Variants in SMC2 observed in about 807,000 individuals in gnomAD.
SMC2 encodes the protein structural maintenance of chromosomes protein 2.
Under a neutral mutation model 142.6 loss-of-function variants are expected in SMC2, and 41 were observed. The ratio of observed to expected loss-of-function variants is 0.29; its 90% CI spans 0.22 to 0.37. The LOEUF is 0.37. SMC2 is among the 10% of genes least tolerant of loss of function. The probability of loss-of-function intolerance (pLI) is 1.00; values close to 1 mark genes in which losing one functional copy is unlikely to be tolerated. For missense variants in SMC2, 1,265 were observed against 1,373.7 expected (o/e 0.92, Z 1.25); for synonymous variants, 463 against 457.5 (o/e 1.01, Z -0.15).
chr9:104,125,090 G>A lies in SMC2; in HGVS notation c.2436G>A (p.Met812Ile). The A allele has an allele frequency of 2.5e-6, 4 of 1,572,004 alleles. No individual in the cohort carries two copies. Among genetic ancestry groups the A allele is most frequent in the Non-Finnish European group, 3.4e-6 (4 of 1,168,568 alleles). ...KTKADASSKK[M>I]KEKQQEVEAI... The stretch of plus-strand genomic sequence containing the variant: ...AGGCAGATGCATCTAGCAAGAAGAT[G>A]AAAGAAAAACAACAGGTAATAACTT... Residue 812 changes from methionine (M) to isoleucine (I), a missense_variant, in exon 18 of 25, where the codon ATG becomes ATA. Physicochemically the swap from Met to Ile is conservative, Grantham distance 10 (BLOSUM62 1). Coordinates refer to ENST00000374793, the MANE Select transcript of SMC2 (RefSeq NM_006444.3).
intron 10 of SMC2, among the ~76,000 whole-genome samples, chr9:104,112,728 G>C (rs1465098829): frequency 6.6e-6 from 1 of 152,084 alleles, no homozygotes; most frequent in Non-Finnish European, 1.5e-5. Context: ...CTAGGTTTTA[G>C]AATACTAGTT....
At chr9:104,107,472 A>C (rs947112559) in intron 9 of SMC2, among the ~76,000 whole-genome samples, 1 of 152,186 alleles carries the variant, frequency 6.6e-6, no homozygotes, top group African/African-American at 2.4e-5. Flanking sequence ...TAAAAGCAGC[A>C]CCAAGGCCAC....
Position 104,138,021 on chromosome 9 carries a change from T to G in SMC2, c.3273T>G (p.Ser1091=), listed in dbSNP as rs1331641475. 8 of 1,571,448 alleles carry G rather than the reference T, an allele frequency of 5.1e-6. No homozygotes were observed. In the African/African-American group the frequency reaches 8.1e-5, roughly 16 times the overall value. ...TTTTCTTCTGACCTTTTCTTAGGTCTTTAGTGGCCTTGTCATTAATACTGT... is the reference window on the plus strand; with the variant it reads ...TTTTCTTCTGACCTTTTCTTAGGTCGTTAGTGGCCTTGTCATTAATACTGT... The part of the protein sequence containing the change: ...NLTELSGGQR[S]LVALSLILSM... Residue 1091 remains serine (S), a synonymous_variant, in exon 24 of 25, where the codon TCT becomes TCG. Coordinates refer to ENST00000374793, the MANE Select transcript of SMC2 (RefSeq NM_006444.3).
intron 9 of SMC2, among the ~76,000 whole-genome samples, chr9:104,105,913 T>TGG (rs1831712664): frequency 6.6e-6 from 1 of 152,148 alleles, no homozygotes; most frequent in African/African-American, 2.4e-5. Context: ...CACATCCTTG[T>TGG]GGAAAAAGTG....
At position 104,126,549 on chromosome 9, in the gene SMC2, A is replaced by G. The variant is rs534760117; in HGVS notation, c.2452-92A>G. 6.4e-4 allele frequency: 590 copies of G among 925,850 alleles called. 1 individual carries two copies. The highest frequency in any genetic ancestry group is 8.1e-4 in the Non-Finnish European group (536 of 659,404). 57.4% of individuals were successfully genotyped at this position (925,850 alleles called of 1,614,324 possible). On this transcript the variant is annotated intron_variant, in intron 18 of 24. Transcript: ENST00000374793. ...TAACAAAGCTGTGGGTCTTACTTGC[A>G]TGAGATTATTATTTATTTAATTGTT...
intron 23 of SMC2, among the ~76,000 whole-genome samples, chr9:104,137,143 C>G (rs1393269997): frequency 6.6e-6 from 1 of 151,470 alleles, no homozygotes; most frequent in Non-Finnish European, 1.5e-5. Context: ...GCAAGACTCT[C>G]AAAAACCAAA....
upstream of SMC2, among the ~76,000 whole-genome samples, chr9:104,091,812 A>G (rs1249603017): frequency 6.6e-6 from 1 of 151,870 alleles, no homozygotes; most frequent in Non-Finnish European, 1.5e-5. Context: ...GTAGAGCACC[A>G]AATATTTCTC....
intron 9 of SMC2, among the ~76,000 whole-genome samples, chr9:104,108,799 C>T (rs1036607097): frequency 6.6e-6 from 1 of 152,132 alleles, no homozygotes; most frequent in Non-Finnish European, 1.5e-5. Flanking sequence ...GCCATTCCCA[C>T]AAGTGTTGGA....
chr9:104,135,470 G>C (rs907375438), intron 23 of SMC2, among the ~76,000 whole-genome samples: 2 of 152,182 alleles, frequency 1.3e-5, no homozygotes, highest in African/African-American at 4.8e-5. Context: ...TCTAAGGGAA[G>C]CTGTCTAATG....
chr9:104,139,385 A>AATT lies in SMC2; in HGVS notation c.*70_*71insATT, dbSNP rs769160043. On this transcript the variant is annotated 3_prime_UTR_variant, in exon 25 of 25. Transcript: ENST00000374793. ...AACTTTTAAGGACTTGAGATAACTA[A>AATT]TTTGTTTATATACAAAAATTAATGT... 11 of 1,233,264 alleles carry AATT rather than the reference A, an allele frequency of 8.9e-6. No individual in the cohort carries two copies. The highest frequency in any genetic ancestry group is 1.2e-5 in the Non-Finnish European group (11 of 888,064). 76.4% of individuals were successfully genotyped at this position (1,233,264 alleles called of 1,614,324 possible).
intron 11 of SMC2, 79 bp from the exon 12 acceptor site, chr9:104,113,885 G>T: frequency 1.3e-6 from 1 of 799,798 alleles, no homozygotes; most frequent in Non-Finnish European, 1.9e-6. Context: ...TTTGGAAATA[G>T]TGGTTGCTAA....
intron 4 of SMC2, 130 bp downstream of exon 4, chr9:104,098,698 C>T: frequency 1.2e-6 from 1 of 866,270 alleles, no homozygotes; most frequent in Non-Finnish European, 1.7e-6. Flanking sequence ...TGTGTCCGGC[C>T]ATCTGTTTAG....
At chr9:104,129,410 CAGAATCA>C (rs1834685691) in intron 20 of SMC2, among the ~76,000 whole-genome samples, 1 of 150,676 alleles carries the variant, frequency 6.6e-6, no homozygotes, top group Non-Finnish European at 1.5e-5. Context: ...GCTGAGGCAG[CAGAATCA>C]CTTGAACCTG....
chr9:104,117,591 T>C (rs1833267539), intron 14 of SMC2, among the ~76,000 whole-genome samples: 1 of 152,212 alleles, frequency 6.6e-6, no homozygotes, highest in Non-Finnish European at 1.5e-5. Context: ...TGAGAAAATA[T>C]TTGTTGTGAA....
At chr9:104,105,308 A>C (rs1012393713) in intron 9 of SMC2, among the ~76,000 whole-genome samples, 3 of 152,130 alleles carry the variant, frequency 2.0e-5, no homozygotes, top group Non-Finnish European at 2.9e-5. Flanking sequence ...CAGCATGCCC[A>C]ACGTACAGGA....
intron 15 of SMC2, among the ~76,000 whole-genome samples, chr9:104,118,680 A>G (rs1833396615): frequency 2.0e-5 from 3 of 150,656 alleles, no homozygotes; most frequent in Admixed American, 2.0e-4. Context: ...ACTGAATAAT[A>G]TTTACTGTAT....
At chr9:104,125,638 A>T (rs1349409869) in intron 18 of SMC2, among the ~76,000 whole-genome samples, 2 of 152,102 alleles carry the variant, frequency 1.3e-5, no homozygotes, top group Non-Finnish European at 2.9e-5. Flanking sequence ...GTCATATCAG[A>T]GATTCAGCAA....
At chr9:104,118,463 C>A in intron 15 of SMC2, 88 bp downstream of exon 15, 1 of 1,038,946 alleles carries the variant, frequency 9.6e-7, no homozygotes, top group Non-Finnish European at 1.4e-6. Context: ...CAACTACCCA[C>A]TTCTTCAGGA....
chr9:104,125,123 A>C lies in SMC2; in HGVS notation c.2451+18A>C. 6.5e-7 allele frequency: 1 copy of C among 1,538,618 alleles called. No individual in the cohort carries two copies. Among genetic ancestry groups the C allele is most frequent in the Non-Finnish European group, 8.8e-7 (1 of 1,142,222 alleles). Reference sequence around the variant, plus strand: ...AACAACAGGTAATAACTTCTTTTTGAAATTGAACCAACCTTTTAAAGTCAA... The same window carrying C: ...AACAACAGGTAATAACTTCTTTTTGCAATTGAACCAACCTTTTAAAGTCAA... On this transcript the variant is annotated intron_variant, in intron 18 of 24. Transcript: ENST00000374793.
Sources: gnomAD v4.1 joint callset for allele counts (sites outside exome capture counted in the v4.1 genomes callset) on GRCh38, gnomAD v4.1.1 for gene constraint, MANE v1.5 for transcripts, NCBI Gene and HGNC (gene_info 2026-07-23, HGNC 2026-07-21) for gene names.